Variants in MAPK8IP3 observed in about 807,000 individuals in gnomAD.
The protein encoded by MAPK8IP3 is C-Jun-amino-terminal kinase-interacting protein 3.
A neutral mutation model predicts 157.8 loss-of-function variants in MAPK8IP3; 49 were observed. That is an observed-to-expected ratio of 0.31 (90% CI 0.25 to 0.39). The LOEUF (loss-of-function observed/expected upper bound fraction) is 0.39, where lower values mean the gene tolerates loss of function less well. Among genes scored for constraint, MAPK8IP3 ranks in the 10% least tolerant of loss-of-function variants. MAPK8IP3 has a pLI of 1.00. For synonymous variants in MAPK8IP3, 897 were observed against 777.7 expected, an observed-to-expected ratio of 1.15 and a Z score of -2.55; for missense variants, 1,478 against 1,889.4, an observed-to-expected ratio of 0.78 and a Z score of 4.04.
intron 4 of MAPK8IP3, among the ~76,000 whole-genome samples, chr16:1,735,983 CAT>C (rs2039729939): frequency 7.5e-6 from 1 of 133,216 alleles, no homozygotes; most frequent in Admixed American, 7.8e-5. Context: ...TGTGACCGTC[CAT>C]GTGAGCATCC....
In MAPK8IP3 at chr16:1,766,798, C is replaced by T. The variant is rs757437533; in HGVS notation, c.3015C>T (p.Ser1005=). 3 of 1,612,582 alleles carry T rather than the reference C, an allele frequency of 1.9e-6. No individual in the cohort carries two copies. In the African/African-American group the frequency reaches 4.0e-5, roughly 22 times the overall value. Residue 1005 remains serine, a synonymous_variant, in exon 24 of 32, where the codon AGC becomes AGT. Transcript: ENST00000610761. ...TCAAGCTGAAGGATTCTGTGCTGAG[C>T]CTGGTGTGGGTGACCCCAGACCGAG... The part of the protein sequence containing the change: ...HSIKLKDSVL[S]LVHVKGRVLV...
At chr16:1,715,293 C>T (rs910611125) in intron 1 of MAPK8IP3, among the ~76,000 whole-genome samples, 2 of 152,144 alleles carry the variant, frequency 1.3e-5, no homozygotes, top group African/African-American at 2.4e-5. Flanking sequence ...TCCCTCGACC[C>T]GTGTCCCGTC....
chr16:1,720,085 C>G (rs1156442722), intron 1 of MAPK8IP3, among the ~76,000 whole-genome samples: 2 of 152,154 alleles, frequency 1.3e-5, no homozygotes, highest in Non-Finnish European at 2.9e-5. Flanking sequence ...CTCTTGTTGC[C>G]CAGGCTGGAG....
chr16:1,763,674 C>G lies in MAPK8IP3; in HGVS notation c.1916C>G (p.Ala639Gly), dbSNP rs561634054. The change falls in exon 17 of 32, where the codon GCC becomes GGC. Residue 639 changes from alanine (A) to glycine (G), a missense_variant. Around this residue, in one of 11 missense-constraint regions of MAPK8IP3, gnomAD observed 669 missense variants for 759.8 expected, o/e 0.88. Coordinates refer to ENST00000610761, the MANE Select transcript of MAPK8IP3 (RefSeq NM_001318852.2). ...CCACTCAGCGACTGCACGTCCTCCG[C>G]CCGTCGAGAGCAGAAGCGCGAGCAG... The part of the protein sequence containing the change: ...FFPDDDCTSS[A>G]RREQKREQYR... The G allele has an allele frequency of 6.3e-7, 1 of 1,581,892 alleles. No individual in the cohort carries two copies. Among genetic ancestry groups the G allele is most frequent in the African/African-American group, 1.3e-5 (1 of 74,140 alleles).
At chr16:1,762,757 T>G in intron 15 of MAPK8IP3, 26 bp downstream of exon 15, 4 of 1,585,754 alleles carry the variant, frequency 2.5e-6, no homozygotes, top group Non-Finnish European at 3.4e-6. Context: ...CTGGGGGATG[T>G]GGGCAGCAGC....
intron 8 of MAPK8IP3, among the ~76,000 whole-genome samples, chr16:1,755,654 T>C (rs1363875347): frequency 6.6e-6 from 1 of 151,890 alleles, no homozygotes; most frequent in Non-Finnish European, 1.5e-5. Flanking sequence ...CGAGACCATC[T>C]TGGCCAACAT....
chr16:1,728,012 CTG>C (rs2039008643), intron 2 of MAPK8IP3, among the ~76,000 whole-genome samples: 1 of 152,262 alleles, frequency 6.6e-6, no homozygotes, highest in Non-Finnish European at 1.5e-5. Flanking sequence ...CTCCCTGGGG[CTG>C]TCTCTCACCT....
intron 11 of MAPK8IP3, 112 bp downstream of exon 11, chr16:1,760,127 C>T (rs1033191215): frequency 5.3e-5 from 63 of 1,178,806 alleles, no homozygotes; most frequent in Admixed American, 3.6e-5. Flanking sequence ...CCAACGCCAG[C>T]AGCTGTCCTC....
At chr16:1,731,195 G>A (rs1172255695) in intron 4 of MAPK8IP3, among the ~76,000 whole-genome samples, 6 of 152,138 alleles carry the variant, frequency 3.9e-5, no homozygotes, top group Non-Finnish European at 8.8e-5. Context: ...CCAGTGTGAT[G>A]GTGCATGCCT....
rs142954927 is a variant in MAPK8IP3, at chr16:1,765,207, C to G, written c.2446+29C>G. ...AGCAGCTGGAGTGGGCGTTTCCACT[C>G]GGGCGCCACTCCCTTTTACTAGCAA... is the stretch of plus-strand genomic sequence containing the variant. On this transcript the variant is annotated intron_variant, in intron 20 of 31. Transcript: ENST00000610761. 1.3e-5 allele frequency: 21 copies of G among 1,571,056 alleles called. No homozygotes were observed. In the East Asian group the frequency reaches 4.8e-4, roughly 36 times the overall value.
Position 1,729,699 on chromosome 16 carries a change from G to C in MAPK8IP3, c.602+121G>C. On this transcript the variant is annotated intron_variant, in intron 4 of 31. Transcript: ENST00000610761. ...CCCGCGCTCTGGGCTCAGGACGACA[G>C]GGAACACTCTGGAGACCCAGGAGGA... 8 of 933,758 alleles carry C rather than the reference G, an allele frequency of 8.6e-6. No individual in the cohort carries two copies. In the South Asian group the frequency reaches 1.2e-4, roughly 14 times the overall value. 57.8% of individuals were successfully genotyped at this position (933,758 alleles called of 1,614,324 possible). A position where few individuals can be genotyped will look rare whatever the true frequency, so the allele number is the denominator to read the frequency against.
At chr16:1,768,039 T>G (rs1369137613) in intron 28 of MAPK8IP3, 30 bp from the exon 29 acceptor site, 1 of 1,612,196 alleles carries the variant, frequency 6.2e-7, no homozygotes, top group South Asian at 1.1e-5. Context: ...ACCGCTCTCC[T>G]CTTCTCCCAT....
chr16:1,750,654 T>A (rs939905201), intron 8 of MAPK8IP3, among the ~76,000 whole-genome samples: 2 of 151,960 alleles, frequency 1.3e-5, no homozygotes, highest in Non-Finnish European at 2.9e-5. Flanking sequence ...AATGATTTTT[T>A]TTTTTTTTGA....
At chr16:1,729,003 G>A (rs959361965) in intron 2 of MAPK8IP3, 135 bp from the exon 3 acceptor site, 4 of 786,202 alleles carry the variant, frequency 5.1e-6, no homozygotes, top group Middle Eastern at 2.8e-4. Context: ...TGCACTTGCC[G>A]GGCTGCTGCT....
Position 1,710,989 on chromosome 16 carries a change from C to T in MAPK8IP3, c.318+4332C>T, listed in dbSNP as rs1295478772. 6.6e-5 allele frequency among the ~76,000 whole-genome samples: 10 copies of T among 152,344 alleles called. No homozygotes were observed. The highest frequency in any genetic ancestry group is 2.2e-4 in the African/African-American group (9 of 41,570). ...ACACGGGACAGAGGCCGAAGTGGCC[C>T]GGAGGCCGCTGGGCGCAGCCTGCCC... On this transcript the variant is annotated intron_variant, in intron 1 of 31. Coordinates refer to ENST00000610761, the MANE Select transcript of MAPK8IP3 (RefSeq NM_001318852.2). The surrounding 1 kb of genome is among the most constrained non-coding windows in gnomAD (Gnocchi z 4.1).
intron 4 of MAPK8IP3, among the ~76,000 whole-genome samples, chr16:1,736,856 GACCGTCCA>G: frequency 3.6e-5 from 3 of 82,920 alleles, no homozygotes; most frequent in Admixed American, 1.6e-4. Flanking sequence ...GTCCGTGTGT[GACCGTCCA>G]TGTGAGCATC....
intron 1 of MAPK8IP3, among the ~76,000 whole-genome samples, chr16:1,708,577 G>A (rs1359324494): frequency 2.0e-5 from 3 of 152,342 alleles, no homozygotes; most frequent in Middle Eastern, 3.4e-3. Context: ...GCTCTGTGCG[G>A]TTCACATGCA....
chr16:1,735,609 CCATCCGTGTGAG>C (rs1226672963), intron 4 of MAPK8IP3, among the ~76,000 whole-genome samples: 6 of 136,568 alleles, frequency 4.4e-5, no homozygotes, highest in East Asian at 2.2e-4. Flanking sequence ...ATCCGTGTGA[CCATCCGTGTGAG>C]CATCCGTGTG....
chr16:1,737,279 CGTGTGA>C (rs2040026220), intron 4 of MAPK8IP3, among the ~76,000 whole-genome samples: 2 of 84,650 alleles, frequency 2.4e-5, no homozygotes, highest in Non-Finnish European at 4.3e-5. Flanking sequence ...TGTGAGCGTC[CGTGTGA>C]GTGTGACCAT....
Sources: gnomAD v4.1 joint callset for allele counts (sites outside exome capture counted in the v4.1 genomes callset) on GRCh38, gnomAD v4.1.1 for gene constraint, gnomAD v4.1.1 regional missense constraint, Gnocchi (gnomAD v3.1) non-coding constraint, MANE v1.5 for transcripts, NCBI Gene and HGNC (gene_info 2026-07-23, HGNC 2026-07-21) for gene names.